Variants in CENPH observed in about 807,000 individuals in gnomAD.
The protein encoded by CENPH is CENP-H.
In CENPH, 40 loss-of-function variants were observed where a neutral mutation model predicts 42.9. That is an observed-to-expected ratio of 0.93 (90% CI 0.72 to 1.21). CENPH has a LOEUF of 1.21. CENPH is among the 50% of genes most tolerant of loss of function. The probability of loss-of-function intolerance (pLI) is 0.00; values close to 1 mark genes in which losing one functional copy is unlikely to be tolerated. For synonymous variants in CENPH, 88 were observed against 96.5 expected (o/e 0.91, Z 0.52); for missense variants, 302 against 292.9 (o/e 1.03, Z -0.23).
intron 5 of CENPH, among the ~76,000 whole-genome samples, chr5:69,197,848 A>G (rs1324448362): frequency 2.7e-5 from 4 of 150,652 alleles, no homozygotes; most frequent in Non-Finnish European, 5.9e-5. Flanking sequence ...GAGCAAAAAA[A>G]AAAAAGACTA....
chr5:69,195,014 G>A lies in CENPH; in HGVS notation c.239+319G>A, dbSNP rs188209567. 7.9e-5 allele frequency among the ~76,000 whole-genome samples: 12 copies of A among 151,638 alleles called. No homozygotes were observed. In the East Asian group the frequency reaches 1.9e-3, roughly 25 times the overall value. ...AGAAGCCAAGGTGGGTGGATCACCC[G>A]AGGTCGGGAGTTCGAAACCAGCCTG... On this transcript the variant is annotated intron_variant, in intron 3 of 8. Coordinates refer to ENST00000283006, the MANE Select transcript of CENPH (RefSeq NM_022909.4).
At chr5:69,192,490 T>C (rs1011544405) in intron 2 of CENPH, among the ~76,000 whole-genome samples, 2 of 152,206 alleles carry the variant, frequency 1.3e-5, no homozygotes, top group African/African-American at 4.8e-5. Context: ...AGTTTAGTTG[T>C]AGCCTTTGAA....
Position 69,189,696 on chromosome 5 carries a change from G to C in CENPH, c.62G>C (p.Arg21Pro). 6.3e-7 allele frequency: 1 copy of C among 1,581,764 alleles called. No individual in the cohort carries two copies. The highest frequency in any genetic ancestry group is 8.6e-7 in the Non-Finnish European group (1 of 1,166,500). Residue 21 changes from arginine (R) to proline (P), a missense_variant, in exon 1 of 9, where the codon CGG becomes CCG. Transcript: ENST00000283006. The stretch of plus-strand genomic sequence containing the variant: ...CCCGCGGACTCCGGAGGGGAAGGCC[G>C]GGCAGGCGGGCCACCGCAGGTCGCC... The part of the protein sequence containing the change: ...DEPADSGGEG[R>P]AGGPPQVAGA...
At position 69,195,803 on chromosome 5, in the gene CENPH, A is replaced by G. The variant is rs887605074; in HGVS notation, c.314+12A>G. On this transcript the variant is annotated intron_variant, in intron 4 of 8. Coordinates refer to ENST00000283006, the MANE Select transcript of CENPH (RefSeq NM_022909.4). ...CTTGCATTAGACAGGTAATTATTAC[A>G]TTTTAAATATAAGCATTGTGAACTG... 3.0e-6 allele frequency: 4 copies of G among 1,321,712 alleles called. No homozygotes were observed. Among genetic ancestry groups the G allele is most frequent in the East Asian group, 4.6e-5 (2 of 43,188 alleles). The allele number at this position is 1,321,712 out of a possible 1,614,324, so 81.9% of individuals were successfully genotyped here.
chr5:69,198,226 C>G (rs766418478), intron 5 of CENPH, among the ~76,000 whole-genome samples: 5 of 151,894 alleles, frequency 3.3e-5, no homozygotes, highest in Non-Finnish European at 7.4e-5. Flanking sequence ...GGCCTCTTAC[C>G]TATGATCTTA....
At chr5:69,196,943 C>T in intron 4 of CENPH, 110 bp from the exon 5 acceptor site, 1 of 618,358 alleles carries the variant, frequency 1.6e-6, no homozygotes, top group African/African-American at 1.9e-5. Flanking sequence ...AAACCTACTT[C>T]TGTTTTATGT....
chr5:69,199,054 G>A (rs1748013672), intron 5 of CENPH, among the ~76,000 whole-genome samples: 1 of 152,182 alleles, frequency 6.6e-6, no homozygotes. Context: ...AGGTCCTGTT[G>A]CTTGCTGCAC....
intron 1 of CENPH, among the ~76,000 whole-genome samples, chr5:69,191,078 T>G (rs1747862432): frequency 1.3e-5 from 2 of 152,328 alleles, no homozygotes; most frequent in African/African-American, 4.8e-5. Context: ...CTATATGAAT[T>G]AGTAATCCAA....
At chr5:69,199,622 G>A (rs112659958) in intron 5 of CENPH, among the ~76,000 whole-genome samples, 28 of 152,136 alleles carry the variant, frequency 1.8e-4, no homozygotes, top group African/African-American at 6.8e-4. Context: ...TTGTCTAGAG[G>A]GTGTGATCTT....
chr5:69,189,850 T>C (rs1747834982), intron 1 of CENPH, 82 bp downstream of exon 1: 2 of 1,379,534 alleles, frequency 1.4e-6, no homozygotes, highest in African/African-American at 3.0e-5. Flanking sequence ...GGGCTAGGGT[T>C]CGAATTCACG....
chr5:69,189,778 T>G lies in CENPH; in HGVS notation c.134+10T>G. 1.4e-6 allele frequency: 2 copies of G among 1,456,610 alleles called. No individual in the cohort carries two copies. Among genetic ancestry groups the G allele is most frequent in the Non-Finnish European group, 1.8e-6 (2 of 1,106,372 alleles). The allele number at this position is 1,456,610 out of a possible 1,614,324, so 90.2% of individuals were successfully genotyped here. Reference sequence around the variant, plus strand: ...TGACCCTGCTCCTCAGGTTGTTCCCTTTGGCCTCCTCAGCCGGGGCCAAGT... The same window carrying G: ...TGACCCTGCTCCTCAGGTTGTTCCCGTTGGCCTCCTCAGCCGGGGCCAAGT... On this transcript the variant is annotated intron_variant, in intron 1 of 8. Transcript: ENST00000283006.
At chr5:69,195,867 T>C (rs1281240109) in intron 4 of CENPH, 76 bp downstream of exon 4, 25 of 710,288 alleles carry the variant, frequency 3.5e-5, no homozygotes, top group Non-Finnish European at 7.4e-6. Context: ...GAGGGAATCT[T>C]TTAACTGGGC....
At chr5:69,190,891 C>CA (rs922598225) in intron 1 of CENPH, among the ~76,000 whole-genome samples, 107 of 138,556 alleles carry the variant, frequency 7.7e-4, no homozygotes, top group Non-Finnish European at 9.1e-4. Flanking sequence ...ACTCTTGACT[C>CA]AAAAAAAAAA....
intron 2 of CENPH, among the ~76,000 whole-genome samples, chr5:69,194,444 T>G (rs1422884225): frequency 1.3e-5 from 2 of 152,212 alleles, no homozygotes; most frequent in African/African-American, 4.8e-5. Flanking sequence ...TCATTAGTAA[T>G]GTTAAACTGA....
intron 2 of CENPH, 99 bp downstream of exon 2, chr5:69,191,949 G>T: frequency 1.5e-6 from 1 of 671,892 alleles, no homozygotes; most frequent in South Asian, 1.9e-5. Flanking sequence ...TAGTGGCGCA[G>T]TCTCTGGTTT....
At chr5:69,206,268 G>A (rs1352781529) in intron 7 of CENPH, among the ~76,000 whole-genome samples, 4 of 132,686 alleles carry the variant, frequency 3.0e-5, no homozygotes, top group South Asian at 2.5e-4. Flanking sequence ...CTGCACCTCC[G>A]CCTCTCAGGT....
At position 69,194,646 on chromosome 5, in the gene CENPH, G is replaced by A. The variant is rs1307044507; in HGVS notation, c.191-1G>A. The A allele has an allele frequency of 1.9e-6, 3 of 1,564,198 alleles. No individual in the cohort carries two copies. Among genetic ancestry groups the A allele is most frequent in the Admixed American group, 1.8e-5 (1 of 55,652 alleles). ...AACTTCAAAAAATTATTTATTTGCAGGTGAAGAAAAAACTCCAGAACAAAT... is the reference window on the plus strand; with the variant it reads ...AACTTCAAAAAATTATTTATTTGCAAGTGAAGAAAAAACTCCAGAACAAAT... On this transcript the variant is annotated splice_acceptor_variant, in intron 2 of 8. Coordinates refer to ENST00000283006, the MANE Select transcript of CENPH (RefSeq NM_022909.4). LOFTEE classifies it high-confidence loss of function.
chr5:69,208,613 C>A (rs1046270990), intron 8 of CENPH, among the ~76,000 whole-genome samples: 3 of 152,184 alleles, frequency 2.0e-5, no homozygotes, highest in Non-Finnish European at 2.9e-5. Context: ...TCTGCCTCAG[C>A]CTCCCAAAGT....
intron 7 of CENPH, among the ~76,000 whole-genome samples, chr5:69,204,263 T>A (rs1748111084): frequency 6.6e-6 from 1 of 151,356 alleles, no homozygotes; most frequent in African/African-American, 2.4e-5. Flanking sequence ...TTTTTTATTT[T>A]CCATCAAAAG....
Sources: allele counts gnomAD v4.1 joint callset (sites outside exome capture counted in the v4.1 genomes callset), GRCh38; gene constraint gnomAD v4.1.1; transcripts MANE v1.5; gene names NCBI Gene and HGNC (gene_info 2026-07-23, HGNC 2026-07-21).